SRGAP1: variants seen among roughly 807,000 people sequenced by gnomAD.
SRGAP1 encodes the protein SLIT-ROBO Rho GTPase-activating protein 1.
Under a neutral mutation model 121.9 loss-of-function variants are expected in SRGAP1, and 43 were observed. That is an observed-to-expected ratio of 0.35 (90% CI 0.28 to 0.46). The LOEUF is 0.46. SRGAP1 is among the 20% of genes least tolerant of loss of function. The pLI, the probability that SRGAP1 is intolerant of heterozygous loss-of-function variation, is 1.00. For synonymous variants in SRGAP1, 447 were observed against 485.4 expected (o/e 0.92, Z 1.04); for missense variants, 1,102 against 1,350.9 (o/e 0.82, Z 2.89).
chr12:64,091,017 A>T (rs2036040947), intron 11 of SRGAP1, among the ~76,000 whole-genome samples: 1 of 152,198 alleles, frequency 6.6e-6, no homozygotes, highest in Non-Finnish European at 1.5e-5. Flanking sequence ...GGTAGTGCTT[A>T]TTTTAAAACA....
intron 1 of SRGAP1, among the ~76,000 whole-genome samples, chr12:63,884,955 C>T (rs891166507): frequency 2.0e-5 from 3 of 151,990 alleles, no homozygotes; most frequent in Non-Finnish European, 2.9e-5. Context: ...CTCCTGACCT[C>T]GTGATCCGCC....
Position 64,095,264 on chromosome 12 carries a change from C to T in SRGAP1, c.1678+60C>T. 9 of 1,455,656 alleles carry T rather than the reference C, an allele frequency of 6.2e-6. No homozygotes were observed. In the South Asian group the frequency reaches 1.0e-4, roughly 17 times the overall value. 90.2% of individuals were successfully genotyped at this position (1,455,656 alleles called of 1,614,324 possible). A position where few individuals can be genotyped will look rare whatever the true frequency, so the allele number is the denominator to read the frequency against. On this transcript the variant is annotated intron_variant, in intron 14 of 21. Coordinates refer to ENST00000355086, the MANE Select transcript of SRGAP1 (RefSeq NM_020762.4). Reference sequence around the variant, plus strand: ...TTGAAAAGTCATCATGTTCTGTAAACTGAAGTGGCACCCTTATTCTGTATA... The same window carrying T: ...TTGAAAAGTCATCATGTTCTGTAAATTGAAGTGGCACCCTTATTCTGTATA...
intron 1 of SRGAP1, among the ~76,000 whole-genome samples, chr12:63,944,275 A>C (rs1234155310): frequency 6.6e-6 from 1 of 152,230 alleles, no homozygotes; most frequent in Non-Finnish European, 1.5e-5. Flanking sequence ...CTGCTATGAC[A>C]AACTACCATA....
chr12:63,957,079 G>A lies in SRGAP1; in HGVS notation c.68-26868G>A, dbSNP rs113172027. ...CCTTTTTATTTCCAAATAATATTCC[G>A]TGGTGTGGATACACACATTTCATTT... On this transcript the variant is annotated intron_variant, in intron 1 of 21. Transcript: ENST00000355086. Among the ~76,000 whole-genome samples the A allele has an allele frequency of 7.1e-3, 1,078 of 152,092 alleles. 11 individuals carry two copies. Among genetic ancestry groups the A allele is most frequent in the African/African-American group, 0.025 (1,022 of 41,456 alleles).
intron 1 of SRGAP1, among the ~76,000 whole-genome samples, chr12:63,878,523 T>C (rs935516638): frequency 6.6e-6 from 1 of 152,200 alleles, no homozygotes; most frequent in Non-Finnish European, 1.5e-5. Flanking sequence ...TGCATGTTTG[T>C]GTTTGTGTGT....
chr12:64,097,202 A>C (rs774377979), intron 14 of SRGAP1, 39 bp from the exon 15 acceptor site: 23 of 1,554,796 alleles, frequency 1.5e-5, no homozygotes, highest in Non-Finnish European at 1.7e-6. Context: ...AGAGAAAAAG[A>C]AGCACTGTTA....
In SRGAP1 at chr12:64,142,966, A is replaced by G. The variant is rs2036991406; in HGVS notation, c.*294A>G. On this transcript the variant is annotated 3_prime_UTR_variant, in exon 22 of 22. Transcript: ENST00000355086. The stretch of plus-strand genomic sequence containing the variant: ...TAATGAAGGCAACACCGCTCTCCAC[A>G]TTGTACAGAGCTTCAGGTTTAATGT... The G allele has an allele frequency of 5.5e-6, 2 of 365,978 alleles. No homozygotes were observed. Among genetic ancestry groups the G allele is most frequent in the Admixed American group, 4.1e-5 (1 of 24,152 alleles). The allele number at this position is 365,978 out of a possible 1,614,324, so 22.7% of individuals were successfully genotyped here. A position where few individuals can be genotyped will look rare whatever the true frequency, so the allele number is the denominator to read the frequency against.
At chr12:63,861,302 ATTT>A (rs71457100) in intron 1 of SRGAP1, among the ~76,000 whole-genome samples, 121 of 132,620 alleles carry the variant, frequency 9.1e-4, no homozygotes, top group African/African-American at 3.2e-3. Flanking sequence ...ATATATATAT[ATTT>A]TTTTTTTTTT....
chr12:64,024,915 C>T (rs2034620629), intron 4 of SRGAP1, among the ~76,000 whole-genome samples: 2 of 152,084 alleles, frequency 1.3e-5, no homozygotes, highest in Non-Finnish European at 2.9e-5. Flanking sequence ...CCACCTGGTC[C>T]CGCTCTTGAC....
At chr12:63,903,136 C>T (rs1175905082) in intron 1 of SRGAP1, among the ~76,000 whole-genome samples, 1 of 152,074 alleles carries the variant, frequency 6.6e-6, no homozygotes, top group African/African-American at 2.4e-5. Context: ...TTTAAGCACG[C>T]TTTCAAGTAG....
At chr12:64,081,663 A>C (rs1031552925) in intron 10 of SRGAP1, 4 of 152,116 alleles carry the variant, frequency 2.6e-5, no homozygotes, top group Admixed American at 1.3e-4. Context: ...TTATTGAATT[A>C]GTGTTAATTT....
intron 1 of SRGAP1, among the ~76,000 whole-genome samples, chr12:63,861,632 T>C (rs1406433028): frequency 6.6e-6 from 1 of 152,130 alleles, no homozygotes; most frequent in Non-Finnish European, 1.5e-5. Context: ...GTTTTTATCT[T>C]TCAGCTCTGT....
At chr12:63,916,104 C>T (rs1341473795) in intron 1 of SRGAP1, among the ~76,000 whole-genome samples, 2 of 142,132 alleles carry the variant, frequency 1.4e-5, no homozygotes, top group African/African-American at 5.2e-5. Flanking sequence ...GTGATCATGG[C>T]TCATTGCAAC....
chr12:63,922,711 G>A (rs561469377), intron 1 of SRGAP1, among the ~76,000 whole-genome samples: 1 of 152,316 alleles, frequency 6.6e-6, no homozygotes, highest in Admixed American at 6.5e-5. Context: ...AATATCTTGG[G>A]CATTGTTGCA....
intron 1 of SRGAP1, among the ~76,000 whole-genome samples, chr12:63,944,060 A>G (rs2031957042): frequency 6.6e-6 from 1 of 152,208 alleles, no homozygotes; most frequent in Non-Finnish European, 1.5e-5. Context: ...AGGAATGGGT[A>G]GCAAGCATTT....
chr12:63,980,166 C>T (rs565025764), intron 1 of SRGAP1, among the ~76,000 whole-genome samples: 2 of 152,340 alleles, frequency 1.3e-5, no homozygotes, highest in South Asian at 4.1e-4. Context: ...GATCCTTGCA[C>T]CTCAGCCTCC....
intron 1 of SRGAP1, among the ~76,000 whole-genome samples, chr12:63,851,563 C>G (rs1899073913): frequency 6.6e-6 from 1 of 151,258 alleles, no homozygotes; most frequent in Non-Finnish European, 1.5e-5. Flanking sequence ...TAGTACTTAC[C>G]TTGTTGTCTT....
intron 1 of SRGAP1, among the ~76,000 whole-genome samples, chr12:63,852,214 C>T (rs1899099333): frequency 6.6e-6 from 1 of 152,062 alleles, no homozygotes; most frequent in African/African-American, 2.4e-5. Flanking sequence ...GTTTCAAACT[C>T]CCAAACTCAA....
chr12:64,042,953 T>C lies in SRGAP1; in HGVS notation c.653T>C (p.Ile218Thr), dbSNP rs773252927. ...RHQRRSSVKK[I>T]EKMKEKRQAK... ...CAACGGCGAAGCTCTGTAAAGAAAATTGAAAAAATGAAAGAAAAAGTAAGT... is the reference window on the plus strand; with the variant it reads ...CAACGGCGAAGCTCTGTAAAGAAAACTGAAAAAATGAAAGAAAAAGTAAGT... The change falls in exon 5 of 22, where the codon ATT (isoleucine) becomes ACT (threonine). Residue 218 changes from isoleucine to threonine, a missense_variant. Physicochemically the swap from Ile to Thr is moderately conservative, Grantham distance 89 (BLOSUM62 -1). Transcript: ENST00000355086. 1.2e-6 allele frequency: 2 copies of C among 1,611,180 alleles called. No individual in the cohort carries two copies.
Sources: gnomAD v4.1 joint callset for allele counts (sites outside exome capture counted in the v4.1 genomes callset) on GRCh38, gnomAD v4.1.1 for gene constraint, MANE v1.5 for transcripts, NCBI Gene and HGNC (gene_info 2026-07-23, HGNC 2026-07-21) for gene names.